Variants in SEMA3A observed in about 807,000 individuals in gnomAD.
SEMA3A encodes semaphorin-3A.
Under a neutral mutation model 97.9 loss-of-function variants are expected in SEMA3A, and 29 were observed. The observed-to-expected ratio is 0.30, with a 90% confidence interval of 0.22 to 0.40. The LOEUF (loss-of-function observed/expected upper bound fraction) is 0.40. Ranked by LOEUF, SEMA3A falls within the 10% of genes least tolerant of loss-of-function variation. The pLI, the probability that SEMA3A is intolerant of heterozygous loss-of-function variation, is 1.00. For synonymous variants in SEMA3A, 321 were observed against 323.7 expected (o/e 0.99, Z 0.09); for missense variants, 763 against 951.3 (o/e 0.80, Z 2.60).
chr7:84,209,803 A>T (rs1175395436), intron 3 of SEMA3A, among the ~76,000 whole-genome samples: 1 of 152,206 alleles, frequency 6.6e-6, no homozygotes, highest in African/African-American at 2.4e-5. Flanking sequence ...TTAAATAAAA[A>T]TATTTGTAAT....
At chr7:84,028,453 A>G (rs1791622770) in intron 6 of SEMA3A, among the ~76,000 whole-genome samples, 1 of 152,170 alleles carries the variant, frequency 6.6e-6, no homozygotes, top group South Asian at 2.1e-4. Flanking sequence ...TTATCCATAA[A>G]CTGGAACAAA....
chr7:84,450,592 C>T (rs940277667), intron 1 of SEMA3A, among the ~76,000 whole-genome samples: 6 of 152,154 alleles, frequency 3.9e-5, no homozygotes, highest in African/African-American at 1.4e-4. Context: ...TACTAGCTTG[C>T]CATTGATTAT....
chr7:84,313,356 G>GTGTA lies in SEMA3A; in HGVS notation c.-168-6065_-168-6064insTACA, dbSNP rs1247157469. 2.6e-4 allele frequency among the ~76,000 whole-genome samples: 6 copies of GTGTA among 23,050 alleles called. No homozygotes were observed. The South Asian group carries it at 4.4e-3, about 17-fold the overall frequency. The allele number at this position is 23,050 out of a possible 152,430, so 15.1% of individuals were successfully genotyped here. A position where few individuals can be genotyped will look rare whatever the true frequency, so the allele number is the denominator to read the frequency against. On this transcript the variant is annotated intron_variant, in intron 2 of 3. Transcript: ENST00000424555. ...TATATATATATGTATATGTGTGTGTGTATATATATATATATATATATATAT... is the reference window on the plus strand; with the variant it reads ...TATATATATATGTATATGTGTGTGTGTGTATATATATATATATATATATATATAT...
intron 1 of SEMA3A, among the ~76,000 whole-genome samples, chr7:84,424,833 A>G (rs1197385574): frequency 1.0e-5 from 1 of 100,324 alleles, no homozygotes; most frequent in African/African-American, 4.1e-5. Context: ...AATGATATCT[A>G]AATATATATT....
chr7:84,136,926 G>GAGGA (rs1373318105), intron 1 of SEMA3A, among the ~76,000 whole-genome samples: 3 of 149,658 alleles, frequency 2.0e-5, no homozygotes, highest in Non-Finnish European at 4.4e-5. Context: ...AGAAGAAGGG[G>GAGGA]AGGAAGGAAG....
chr7:84,097,048 T>C (rs529793886), intron 4 of SEMA3A, among the ~76,000 whole-genome samples: 8 of 152,082 alleles, frequency 5.3e-5, no homozygotes, highest in East Asian at 1.9e-4. Flanking sequence ...AAGGTTACAA[T>C]TGTCCCCAAG....
intron 1 of SEMA3A, among the ~76,000 whole-genome samples, 169 bp downstream of exon 1, chr7:84,194,306 T>C (rs992315434): frequency 6.6e-6 from 1 of 152,078 alleles, no homozygotes; most frequent in Admixed American, 6.6e-5. Context: ...ACAGAAGACA[T>C]GCTTTTTACA....
At chr7:84,250,508 T>A (rs920692375) in intron 3 of SEMA3A, among the ~76,000 whole-genome samples, 3 of 152,144 alleles carry the variant, frequency 2.0e-5, no homozygotes, top group African/African-American at 7.2e-5. Context: ...CATTGATTGA[T>A]AATGAGCAGT....
chr7:84,177,310 T>C (rs1334625371), intron 1 of SEMA3A, among the ~76,000 whole-genome samples: 2 of 152,130 alleles, frequency 1.3e-5, no homozygotes, highest in African/African-American at 4.8e-5. Context: ...CATAGGTTAC[T>C]TGTATTTGGT....
intron 1 of SEMA3A, among the ~76,000 whole-genome samples, chr7:84,421,868 G>A (rs537269530): frequency 3.3e-5 from 5 of 152,018 alleles, no homozygotes; most frequent in African/African-American, 1.2e-4. Flanking sequence ...GGATGAAGCT[G>A]ACTTGATTGT....
intron 2 of SEMA3A, among the ~76,000 whole-genome samples, chr7:84,325,767 T>C (rs1327374178): frequency 6.6e-6 from 1 of 152,096 alleles, no homozygotes; most frequent in Non-Finnish European, 1.5e-5. Context: ...AGGAATACAA[T>C]GATGTTATTC....
chr7:83,961,549 GGGT>G lies in SEMA3A; in HGVS notation c.2135_2137del (p.His712del), dbSNP rs1287606587. 1 of 1,614,072 alleles carries G rather than the reference GGGT, an allele frequency of 6.2e-7. No homozygotes were observed. The highest frequency in any genetic ancestry group is 2.2e-5 in the East Asian group (1 of 44,882). ...GAACTCATCCATTGTGTTGAGATTG[GGGT>G]GGTTGATGAGCTGCATGAAGTCTCT... On this transcript the variant is annotated inframe_deletion, in exon 17 of 17. Coordinates refer to ENST00000265362, the MANE Select transcript of SEMA3A (RefSeq NM_006080.3).
At chr7:84,052,271 G>C (rs540306873) in intron 5 of SEMA3A, among the ~76,000 whole-genome samples, 1 of 152,282 alleles carries the variant, frequency 6.6e-6, no homozygotes, top group South Asian at 2.1e-4. Context: ...GATTGGAATA[G>C]TTTCAGAAGG....
chr7:84,473,950 A>G (rs940540864), intron 1 of SEMA3A, among the ~76,000 whole-genome samples: 3 of 152,314 alleles, frequency 2.0e-5, no homozygotes, highest in South Asian at 2.1e-4. Context: ...TGAGCCGCAC[A>G]TAAGTCAGGA....
At chr7:84,392,478 A>G (rs1409632965) in intron 1 of SEMA3A, among the ~76,000 whole-genome samples, 2 of 152,184 alleles carry the variant, frequency 1.3e-5, no homozygotes, top group African/African-American at 4.8e-5. Flanking sequence ...AGTGATGGTC[A>G]TCTAGATTGA....
chr7:83,996,808 G>C (rs563625404), intron 12 of SEMA3A, among the ~76,000 whole-genome samples: 1 of 151,984 alleles, frequency 6.6e-6, no homozygotes, highest in East Asian at 1.9e-4. Context: ...GTCAAATTTG[G>C]GGTATTTTAT....
chr7:84,084,215 T>G (rs1455880526), intron 4 of SEMA3A, among the ~76,000 whole-genome samples: 1 of 152,120 alleles, frequency 6.6e-6, no homozygotes, highest in African/African-American at 2.4e-5. Flanking sequence ...TGCTAAGAAT[T>G]ATTTATTTAC....
intron 2 of SEMA3A, 24 bp downstream of exon 2, chr7:84,134,770 G>C (rs760520994): frequency 6.5e-7 from 1 of 1,529,742 alleles, no homozygotes; most frequent in Non-Finnish European, 8.9e-7. Context: ...AATAACTATA[G>C]TGCATATATT....
At chr7:84,020,870 T>C (rs1791302952) in intron 6 of SEMA3A, among the ~76,000 whole-genome samples, 1 of 152,124 alleles carries the variant, frequency 6.6e-6, no homozygotes, top group Admixed American at 6.5e-5. Context: ...CCCCATACAG[T>C]GTACAAAAAT....
Sources: allele counts gnomAD v4.1 joint callset (sites outside exome capture counted in the v4.1 genomes callset), GRCh38; gene constraint gnomAD v4.1.1; transcripts MANE v1.5; gene names NCBI Gene and HGNC (gene_info 2026-07-23, HGNC 2026-07-21).